Variants in ASPRV1 observed in about 807,000 individuals in gnomAD.
The protein encoded by ASPRV1 is aspartic peptidase retroviral like 1.
ASPRV1 carries 7 observed loss-of-function variants against 11.0 expected under a neutral mutation model. The observed-to-expected ratio is 0.64, with a 90% CI of 0.36 to 1.20. ASPRV1 has a LOEUF of 1.20. Among genes scored for constraint, ASPRV1 ranks in the 50% most tolerant of loss-of-function variants. The probability of loss-of-function intolerance (pLI) is 0.02; values close to 1 mark genes in which losing one functional copy is unlikely to be tolerated. For synonymous variants in ASPRV1, 136 were observed against 138.4 expected (o/e 0.98, Z 0.12); for missense variants, 299 against 320.0 (o/e 0.93, Z 0.50).
chr2:69,951,423 CAAA>C, the ASPRV1 span, among the ~76,000 whole-genome samples: 3 of 63,676 alleles, frequency 4.7e-5, no homozygotes, highest in African/African-American at 5.2e-5. Flanking sequence ...GACTCCATCT[CAAA>C]AAAAAAAAAA....
the ASPRV1 span, among the ~76,000 whole-genome samples, chr2:69,990,485 G>A: frequency 1.4e-4 from 21 of 151,850 alleles, no homozygotes; most frequent in African/African-American, 4.8e-4. Context: ...TGCCCAGCCT[G>A]TTCATTTATG....
chr2:70,056,625 A>AAAAAAAAAAAAAAAAAAAAAAG, the ASPRV1 span: 1 of 145,282 alleles, frequency 6.9e-6, no homozygotes. Context: ...AAAAAAAAAA[A>AAAAAAAAAAAAAAAAAAAAAAG]GTGGTTAAAA....
At chr2:69,986,240 G>A in the ASPRV1 span, among the ~76,000 whole-genome samples, 1 of 152,322 alleles carries the variant, frequency 6.6e-6, no homozygotes, top group African/African-American at 2.4e-5. Flanking sequence ...ATTCATAGCT[G>A]AGCCTGCTTC....
the ASPRV1 span, chr2:69,941,625 A>G: frequency 6.6e-6 from 1 of 152,120 alleles, no homozygotes; most frequent in Non-Finnish European, 1.5e-5. Context: ...CTACTTTTTC[A>G]AAAGCAACAA....
Position 69,960,815 on chromosome 2 carries a change from G to A in ASPRV1, c.622C>T (p.His208Tyr). 6.2e-7 allele frequency: 1 copy of A among 1,614,126 alleles called. No homozygotes were observed. Among genetic ancestry groups the A allele is most frequent in the Non-Finnish European group, 8.5e-7 (1 of 1,180,024 alleles). ...AIIGTDVLQD[H>Y]NAILDFEHRT... ...TGCTCAAAGTCCAGGATAGCATTGT[G>A]GTCCTGGAGCACATCAGTGCCAATG... Residue 208 changes from histidine to tyrosine, a missense_variant, in exon 1 of 1, where the codon CAC (histidine) becomes TAC (tyrosine). Physicochemically the swap from His to Tyr is moderately conservative, Grantham distance 83 (BLOSUM62 2). Transcript: ENST00000320256.
At chr2:70,013,773 C>G in the ASPRV1 span, among the ~76,000 whole-genome samples, 1 of 152,140 alleles carries the variant, frequency 6.6e-6, no homozygotes, top group African/African-American at 2.4e-5. Context: ...CCCAGCTACT[C>G]AGGAGGCTGA....
chr2:70,063,183 T>C, the ASPRV1 span, among the ~76,000 whole-genome samples: 1 of 152,220 alleles, frequency 6.6e-6, no homozygotes, highest in East Asian at 1.9e-4. Context: ...TCAGAACACC[T>C]CTAAGGGCCA....
the ASPRV1 span, among the ~76,000 whole-genome samples, chr2:70,004,181 G>C: frequency 2.6e-5 from 4 of 152,134 alleles, no homozygotes; most frequent in African/African-American, 9.7e-5. Flanking sequence ...CTGAAAGTCT[G>C]AGATAGAAAA....
the ASPRV1 span, chr2:70,056,604 C>CAAAAAAAAAAA: frequency 1.9e-3 from 142 of 75,690 alleles, 9 homozygotes; most frequent in African/African-American, 0.011. Context: ...GACTCCGTCT[C>CAAAAAAAAAAA]AAAAAAAAAA....
the ASPRV1 span, among the ~76,000 whole-genome samples, chr2:70,011,099 C>T: frequency 1.3e-5 from 2 of 151,924 alleles, no homozygotes; most frequent in African/African-American, 4.8e-5. Context: ...ACACTGGGAC[C>T]TCCTTGAGGG....
the ASPRV1 span, among the ~76,000 whole-genome samples, chr2:70,001,285 T>C: frequency 2.0e-5 from 3 of 152,138 alleles, no homozygotes; most frequent in African/African-American, 4.8e-5. Flanking sequence ...TCCCAGCACT[T>C]TGGGAGGCCG....
the ASPRV1 span, among the ~76,000 whole-genome samples, chr2:70,000,318 CAAAA>C: frequency 1.3e-5 from 1 of 77,056 alleles, no homozygotes; most frequent in Admixed American, 1.2e-4. Flanking sequence ...CCCTCATCTC[CAAAA>C]AAAAAAAAAA....
chr2:69,973,852 A>C, the ASPRV1 span, among the ~76,000 whole-genome samples: 2 of 152,214 alleles, frequency 1.3e-5, no homozygotes, highest in Non-Finnish European at 2.9e-5. Context: ...CCAAATAATG[A>C]ATAAAGCCCT....
the ASPRV1 span, among the ~76,000 whole-genome samples, chr2:70,077,611 T>C: frequency 6.6e-6 from 1 of 152,102 alleles, no homozygotes; most frequent in Admixed American, 6.6e-5. Context: ...CCCAGCACTT[T>C]GGGAGGCCGA....
chr2:70,038,627 G>T, the ASPRV1 span, among the ~76,000 whole-genome samples: 1 of 152,200 alleles, frequency 6.6e-6, no homozygotes, highest in Non-Finnish European at 1.5e-5. Flanking sequence ...TTCCCCCTTG[G>T]TAGGCTCTGG....
At chr2:70,063,946 C>T in the ASPRV1 span, 16 of 152,212 alleles carry the variant, frequency 1.1e-4, no homozygotes, top group Admixed American at 1.0e-3. Flanking sequence ...CCTGCTTCAG[C>T]CTTGTCTCAT....
chr2:70,018,444 C>T, the ASPRV1 span, among the ~76,000 whole-genome samples: 2 of 151,810 alleles, frequency 1.3e-5, no homozygotes, highest in East Asian at 1.9e-4. Flanking sequence ...CCTATGGAAC[C>T]ACAAAAGACC....
the ASPRV1 span, among the ~76,000 whole-genome samples, chr2:69,999,513 G>A: frequency 3.3e-5 from 5 of 151,738 alleles, no homozygotes; most frequent in East Asian, 1.9e-4. Flanking sequence ...AAAACTAGCC[G>A]GTGTGGTGGG....
the ASPRV1 span, among the ~76,000 whole-genome samples, chr2:70,021,837 G>C: frequency 6.6e-6 from 1 of 151,256 alleles, no homozygotes; most frequent in Non-Finnish European, 1.5e-5. Context: ...TGAGTAGCTG[G>C]GACTACAGGA....
Sources: gnomAD v4.1 joint callset for allele counts (sites outside exome capture counted in the v4.1 genomes callset) on GRCh38, gnomAD v4.1.1 for gene constraint, MANE v1.5 for transcripts, NCBI Gene and HGNC (gene_info 2026-07-23, HGNC 2026-07-21) for gene names.